Variants in DEPTOR observed in about 807,000 individuals in gnomAD.
DEPTOR encodes the protein DEP domain containing MTOR interacting protein.
DEPTOR carries 41 observed loss-of-function variants against 41.6 expected under a neutral mutation model. That is an observed-to-expected ratio of 0.98 (90% CI 0.77 to 1.28). The LOEUF (loss-of-function observed/expected upper bound fraction) is 1.28, where lower values mean the gene tolerates loss of function less well. DEPTOR is among the 50% of genes most tolerant of loss of function. The probability of loss-of-function intolerance (pLI) is 0.00; values close to 1 mark genes in which losing one functional copy is unlikely to be tolerated. For missense variants in DEPTOR, 514 were observed against 527.9 expected (o/e 0.97, Z 0.26); for synonymous variants, 195 against 192.3 (o/e 1.01, Z -0.12).
intron 3 of DEPTOR, among the ~76,000 whole-genome samples, chr8:119,939,777 T>C (rs1298813445): frequency 6.6e-6 from 1 of 151,460 alleles, no homozygotes. Context: ...ACCCGGCCAG[T>C]GTGGCTATTA....
chr8:119,986,412 G>A (rs574421043), intron 4 of DEPTOR, among the ~76,000 whole-genome samples: 1 of 152,244 alleles, frequency 6.6e-6, no homozygotes, highest in African/African-American at 2.4e-5. Context: ...AGTCTGATGG[G>A]CTTCCCTTTG....
intron 4 of DEPTOR, among the ~76,000 whole-genome samples, chr8:119,972,277 TTC>T: frequency 6.6e-6 from 1 of 152,342 alleles, no homozygotes; most frequent in South Asian, 2.1e-4. Flanking sequence ...ACGTATGTAT[TTC>T]CCTGTCAGTT....
At chr8:119,930,090 C>A in intron 3 of DEPTOR, 152 bp downstream of exon 3, 1 of 913,414 alleles carries the variant, frequency 1.1e-6, no homozygotes, top group Non-Finnish European at 1.5e-6. Context: ...CAAGCATTTG[C>A]TGTCTCTTTG....
At chr8:119,972,342 G>T (rs967209677) in intron 4 of DEPTOR, among the ~76,000 whole-genome samples, 1 of 152,148 alleles carries the variant, frequency 6.6e-6, no homozygotes, top group African/African-American at 2.4e-5. Flanking sequence ...CATGCTGAAG[G>T]CTGGGCATTG....
At chr8:119,885,829 G>C (rs1827356967) in intron 1 of DEPTOR, among the ~76,000 whole-genome samples, 1 of 151,896 alleles carries the variant, frequency 6.6e-6, no homozygotes, top group Admixed American at 6.6e-5. Flanking sequence ...TATCCATCTA[G>C]CTCTCCCTCT....
intron 1 of DEPTOR, among the ~76,000 whole-genome samples, chr8:119,898,540 G>T (rs942338356): frequency 6.6e-6 from 1 of 151,790 alleles, no homozygotes; most frequent in African/African-American, 2.4e-5. Flanking sequence ...CCTGGGCAAT[G>T]TGATGAGACC....
At chr8:119,896,428 G>C (rs975160423) in intron 1 of DEPTOR, among the ~76,000 whole-genome samples, 4 of 152,150 alleles carry the variant, frequency 2.6e-5, no homozygotes, top group Non-Finnish European at 5.9e-5. Context: ...GGTCAGAGGC[G>C]GAGATGCCCC....
In DEPTOR at chr8:119,873,821, A is replaced by G. The variant is rs977216675; in HGVS notation, c.-26A>G. On this transcript the variant is annotated 5_prime_UTR_variant, in exon 1 of 9. Coordinates refer to ENST00000286234, the MANE Select transcript of DEPTOR (RefSeq NM_022783.4). ...CAAACCCTCGGCGGACAGCGGAGCC[A>G]GTGGTAGCCGCACGGCCCTAAAACC... is the stretch of plus-strand genomic sequence containing the variant. The G allele has an allele frequency of 1.7e-5, 27 of 1,608,140 alleles. No homozygotes were observed. The highest frequency in any genetic ancestry group is 5.0e-5 in the Admixed American group (3 of 59,516).
At chr8:120,009,469 C>A (rs1211108198) in intron 8 of DEPTOR, among the ~76,000 whole-genome samples, 1 of 151,994 alleles carries the variant, frequency 6.6e-6, no homozygotes, top group Non-Finnish European at 1.5e-5. Flanking sequence ...AAAAATTAGC[C>A]GGGCGTGGTG....
At chr8:120,013,298 C>G (rs1586657870) in intron 8 of DEPTOR, among the ~76,000 whole-genome samples, 1 of 152,180 alleles carries the variant, frequency 6.6e-6, no homozygotes, top group African/African-American at 2.4e-5. Context: ...ACAATGATAG[C>G]AAATACCATG....
chr8:120,032,584 T>A (rs939564096), intron 8 of DEPTOR, among the ~76,000 whole-genome samples: 25 of 152,308 alleles, frequency 1.6e-4, no homozygotes, highest in African/African-American at 5.5e-4. Flanking sequence ...TGATGAAGGC[T>A]GTGACCTTGT....
chr8:119,912,030 G>A (rs939242), intron 1 of DEPTOR, among the ~76,000 whole-genome samples: 75,830 of 152,080 alleles, frequency 0.5, 20,633 homozygotes, highest in East Asian at 0.92. Context: ...ATGCAAATAA[G>A]ATTAAAGTAA....
At chr8:119,882,502 C>T (rs998258960) in intron 1 of DEPTOR, among the ~76,000 whole-genome samples, 2 of 151,972 alleles carry the variant, frequency 1.3e-5, no homozygotes, top group Non-Finnish European at 2.9e-5. Context: ...TCTTGTGATC[C>T]TTCCACCTCA....
intron 4 of DEPTOR, among the ~76,000 whole-genome samples, chr8:119,992,110 C>T (rs1290780678): frequency 1.3e-5 from 2 of 152,148 alleles, no homozygotes; most frequent in Non-Finnish European, 2.9e-5. Context: ...TGATTTTGAG[C>T]AATGTCTATC....
rs536167306 is a variant in DEPTOR at position 119,988,517 on chromosome 8, C to T, written c.605-13008C>T. Among the ~76,000 whole-genome samples, 3 of 152,288 alleles carry T rather than the reference C, an allele frequency of 2.0e-5. No individual in the cohort carries two copies. In the South Asian group the frequency reaches 6.2e-4, roughly 32 times the overall value. ...TATTTTTTTGAGATGGAGTCTTGCT[C>T]TGTTGCCCAGGCTGGAGTGCAGTGG... On this transcript the variant is annotated intron_variant, in intron 4 of 8. Transcript: ENST00000286234.
chr8:119,881,080 T>A (rs1397196627), intron 1 of DEPTOR, among the ~76,000 whole-genome samples: 1 of 152,236 alleles, frequency 6.6e-6, no homozygotes, highest in Admixed American at 6.5e-5. Flanking sequence ...TCTTTCAAAT[T>A]GTTTGTCACC....
intron 8 of DEPTOR, among the ~76,000 whole-genome samples, chr8:120,013,929 T>A (rs192881229): frequency 1.3e-5 from 2 of 151,274 alleles, no homozygotes; most frequent in East Asian, 3.9e-4. Flanking sequence ...AACCTCCACA[T>A]CCTGGGTTCA....
intron 1 of DEPTOR, among the ~76,000 whole-genome samples, chr8:119,904,417 C>T (rs997541670): frequency 6.6e-6 from 1 of 151,906 alleles, no homozygotes. Context: ...CTGCGCCCGG[C>T]GTAAACCTCA....
Position 120,009,153 on chromosome 8 carries a change from A to T in DEPTOR, c.1101+20A>T. ...ATGAAGGTACTAACGGGTCTTTCTCACCCTCTTTTATATCTGTCTTGGGTT... is the reference window on the plus strand; with the variant it reads ...ATGAAGGTACTAACGGGTCTTTCTCTCCCTCTTTTATATCTGTCTTGGGTT... On this transcript the variant is annotated intron_variant, in intron 8 of 8. Coordinates refer to ENST00000286234, the MANE Select transcript of DEPTOR (RefSeq NM_022783.4). The T allele has an allele frequency of 6.2e-7, 1 of 1,602,906 alleles. No homozygotes were observed. Among genetic ancestry groups the T allele is most frequent in the South Asian group, 1.1e-5 (1 of 89,772 alleles).
Sources: allele counts gnomAD v4.1 joint callset (sites outside exome capture counted in the v4.1 genomes callset), GRCh38; gene constraint gnomAD v4.1.1; transcripts MANE v1.5; gene names NCBI Gene and HGNC (gene_info 2026-07-23, HGNC 2026-07-21).